KIF26B: variants seen among roughly 807,000 people sequenced by gnomAD.
KIF26B encodes the protein kinesin family member 26B, also known as kinesin-like protein KIF26B.
In KIF26B, 63 loss-of-function variants were observed where a neutral mutation model predicts 151.2. The ratio of observed to expected loss-of-function variants is 0.42; its 90% CI spans 0.34 to 0.51. The LOEUF (loss-of-function observed/expected upper bound fraction) is 0.51, where lower values mean the gene tolerates loss of function less well. Among genes scored for constraint, KIF26B ranks in the 20% least tolerant of loss-of-function variants. The pLI, the probability that KIF26B is intolerant of heterozygous loss-of-function variation, is 0.07. For missense variants in KIF26B, 2,813 were observed against 2,913.6 expected (o/e 0.97, Z 0.79); for synonymous variants, 1,357 against 1,262.1 (o/e 1.08, Z -1.59).
At chr1:245,505,754 G>A (rs989757880) in intron 4 of KIF26B, among the ~76,000 whole-genome samples, 16 of 152,290 alleles carry the variant, frequency 1.1e-4, no homozygotes, top group Admixed American at 7.2e-4. Flanking sequence ...TGAACAATGT[G>A]GATTTTAGAA....
chr1:245,649,697 C>G (rs1333147751), intron 10 of KIF26B, among the ~76,000 whole-genome samples: 1 of 140,536 alleles, frequency 7.1e-6, no homozygotes, highest in South Asian at 2.2e-4. Context: ...CCCCAAAAAA[C>G]ACAGACACCC....
intron 4 of KIF26B, among the ~76,000 whole-genome samples, chr1:245,464,382 G>GGTGT (rs145902975): frequency 6.8e-6 from 1 of 146,632 alleles, no homozygotes; most frequent in Admixed American, 6.8e-5. Context: ...GGTGTGTGTA[G>GGTGT]GTGTGTGTGT....
intron 2 of KIF26B, among the ~76,000 whole-genome samples, chr1:245,240,476 G>C (rs1479283328): frequency 6.6e-6 from 1 of 152,132 alleles, no homozygotes; most frequent in Admixed American, 6.6e-5. Flanking sequence ...GGTTCGTTTA[G>C]AGGAAGCTGC....
chr1:245,212,613 A>C (rs1262629524), intron 2 of KIF26B, among the ~76,000 whole-genome samples: 1 of 152,220 alleles, frequency 6.6e-6, no homozygotes, highest in Admixed American at 6.5e-5. Context: ...CAGCTCAGTC[A>C]GCTAACTTCC....
chr1:245,676,740 T>A (rs2044361182), intron 10 of KIF26B, among the ~76,000 whole-genome samples: 1 of 152,214 alleles, frequency 6.6e-6, no homozygotes, highest in Admixed American at 6.5e-5. Flanking sequence ...ACTTGCAATG[T>A]AAAACCTCCA....
chr1:245,183,781 C>T (rs1668946396), intron 2 of KIF26B, among the ~76,000 whole-genome samples: 2 of 152,178 alleles, frequency 1.3e-5, no homozygotes, highest in South Asian at 4.2e-4. Context: ...TTGACCTCCT[C>T]ACCTGCATGG....
intron 5 of KIF26B, among the ~76,000 whole-genome samples, chr1:245,547,085 C>CGGAGCTCAG (rs1183608129): frequency 6.6e-6 from 1 of 152,240 alleles, no homozygotes; most frequent in East Asian, 1.9e-4. Context: ...CCCAGGCGCC[C>CGGAGCTCAG]GGAGCTCAGG....
chr1:245,316,034 G>A (rs1017913839), intron 2 of KIF26B, among the ~76,000 whole-genome samples: 1 of 152,156 alleles, frequency 6.6e-6, no homozygotes, highest in Admixed American at 6.5e-5. Flanking sequence ...TAAAGTGTGG[G>A]CCTAACTAGA....
At chr1:245,603,121 T>C (rs1253768042) in intron 6 of KIF26B, among the ~76,000 whole-genome samples, 2 of 148,874 alleles carry the variant, frequency 1.3e-5, no homozygotes, top group African/African-American at 4.9e-5. Flanking sequence ...AGGACCCTAC[T>C]CCTGCCTGGG....
chr1:245,200,581 T>C (rs1219622766), intron 2 of KIF26B, among the ~76,000 whole-genome samples: 4 of 152,238 alleles, frequency 2.6e-5, no homozygotes, highest in Admixed American at 2.6e-4. Context: ...CCTTTGAGAC[T>C]GACTTTTACT....
intron 2 of KIF26B, among the ~76,000 whole-genome samples, chr1:245,297,347 A>C (rs574729747): frequency 4.6e-5 from 7 of 152,204 alleles, no homozygotes; most frequent in Non-Finnish European, 8.8e-5. Context: ...TGTCTCAAAA[A>C]ATAAAAAAGA....
At chr1:245,340,234 G>A (rs1672309373) in intron 2 of KIF26B, among the ~76,000 whole-genome samples, 1 of 152,118 alleles carries the variant, frequency 6.6e-6, no homozygotes. Flanking sequence ...TGGTATTTGC[G>A]TATAACCCAG....
Position 245,540,881 on chromosome 1 carries a change from C to G in KIF26B, c.1281C>G (p.Ser427=), listed in dbSNP as rs141374173. The change falls in exon 5 of 15, where the codon TCC becomes TCG. Residue 427 remains serine, a synonymous_variant. Transcript: ENST00000407071. This position sits in a 1 kb window ranked among gnomAD's most constrained non-coding sequence, Gnocchi z 4.6. Reference sequence around the variant, plus strand: ...GCTTCAGTGGGATTCTGCAGACCTCCCCTCCCCCAGCCCCACCCTGCCTGC... The same window carrying G: ...GCTTCAGTGGGATTCTGCAGACCTCGCCTCCCCCAGCCCCACCCTGCCTGC... The part of the protein sequence containing the change: ...ATSFSGILQT[S]PPPAPPCLLR... The G allele has an allele frequency of 1.4e-4, 232 of 1,613,918 alleles. 3 individuals carry two copies. The East Asian group carries it at 5.1e-3, about 36-fold the overall frequency.
intron 4 of KIF26B, among the ~76,000 whole-genome samples, chr1:245,425,641 A>G (rs1404837945): frequency 1.3e-5 from 2 of 152,176 alleles, no homozygotes; most frequent in African/African-American, 2.4e-5. Flanking sequence ...TCCTGACCTC[A>G]TGATCCTCCC....
intron 10 of KIF26B, among the ~76,000 whole-genome samples, chr1:245,669,804 G>A (rs1218611689): frequency 6.6e-6 from 1 of 152,100 alleles, no homozygotes; most frequent in African/African-American, 2.4e-5. Flanking sequence ...TTGTCACATG[G>A]TCCAGCAATT....
intron 2 of KIF26B, among the ~76,000 whole-genome samples, chr1:245,173,221 G>A (rs1054102595): frequency 6.6e-6 from 1 of 152,240 alleles, no homozygotes; most frequent in Non-Finnish European, 1.5e-5. Flanking sequence ...TAGAAAGTAG[G>A]ATGGTGGTTA....
chr1:245,540,701 C>A lies in KIF26B; in HGVS notation c.1167-66C>A, dbSNP rs555785891. On this transcript the variant is annotated intron_variant, in intron 4 of 14. Transcript: ENST00000407071. The surrounding 1 kb of genome is among the most constrained non-coding windows in gnomAD (Gnocchi z 4.6). ...GAACGAGGGGTTGTTTAAGAGAAAA[C>A]GAAGTAAGCCTAGCAGATCTGATCG... 2.4e-5 allele frequency: 34 copies of A among 1,435,212 alleles called. No homozygotes were observed. Among genetic ancestry groups the A allele is most frequent in the Non-Finnish European group, 3.2e-5 (33 of 1,016,980 alleles). 88.9% of individuals were successfully genotyped at this position (1,435,212 alleles called of 1,614,324 possible).
intron 4 of KIF26B, among the ~76,000 whole-genome samples, chr1:245,486,700 C>T (rs1488280682): frequency 6.6e-6 from 1 of 152,058 alleles, no homozygotes; most frequent in Non-Finnish European, 1.5e-5. Flanking sequence ...GACGAGGTCT[C>T]GCTCTGTCAC....
chr1:245,204,811 C>T (rs1669369014), intron 2 of KIF26B, among the ~76,000 whole-genome samples: 1 of 151,920 alleles, frequency 6.6e-6, no homozygotes, highest in African/African-American at 2.4e-5. Context: ...GATGAGGTCT[C>T]ACTCTGTCAC....
Sources: allele counts gnomAD v4.1 joint callset (sites outside exome capture counted in the v4.1 genomes callset), GRCh38; gene constraint gnomAD v4.1.1; non-coding constraint Gnocchi (gnomAD v3.1); transcripts MANE v1.5; gene names NCBI Gene and HGNC (gene_info 2026-07-23, HGNC 2026-07-21).